The following B3GLCT variants were observed in gnomAD, a reference collection of about 807,000 sequenced individuals.
The protein encoded by B3GLCT is beta-1,3-glucosyltransferase.
A neutral mutation model predicts 63.4 loss-of-function variants in B3GLCT; 65 were observed. The ratio of observed to expected loss-of-function variants is 1.03; its 90% CI spans 0.84 to 1.26. The LOEUF (loss-of-function observed/expected upper bound fraction) is 1.26, where lower values mean the gene tolerates loss of function less well. B3GLCT is among the 50% of genes most tolerant of loss of function. The pLI, the probability that B3GLCT is intolerant of heterozygous loss-of-function variation, is 0.00. For synonymous variants in B3GLCT, 233 were observed against 219.2 expected (o/e 1.06, Z -0.55); for missense variants, 577 against 604.8 (o/e 0.95, Z 0.48).
intron 4 of B3GLCT, among the ~76,000 whole-genome samples, chr13:31,237,429 C>G (rs1462288620): frequency 6.7e-6 from 1 of 148,876 alleles, no homozygotes; most frequent in Non-Finnish European, 1.5e-5. Context: ...TCTCAGCTCA[C>G]TGCAACCTCT....
At chr13:31,295,077 T>C (rs1873865461) in intron 12 of B3GLCT, among the ~76,000 whole-genome samples, 1 of 152,158 alleles carries the variant, frequency 6.6e-6, no homozygotes, top group East Asian at 1.9e-4. Flanking sequence ...GCCTCTCTAC[T>C]GTAGGTCTGC....
intron 1 of B3GLCT, among the ~76,000 whole-genome samples, chr13:31,208,048 G>A (rs929545503): frequency 1.4e-4 from 22 of 151,898 alleles, no homozygotes; most frequent in African/African-American, 3.4e-4. Context: ...AAGTGGCAGC[G>A]CTCGGATTTG....
rs545114302 is a variant in B3GLCT at position 31,312,552 on chromosome 13, A to G, written c.1065-5014A>G. On this transcript the variant is annotated intron_variant, in intron 12 of 14. Coordinates refer to ENST00000343307, the MANE Select transcript of B3GLCT (RefSeq NM_194318.4). ...TGTGGAAACAAATTTAGTACAAGAAAGAGACCAAAGAAAGAGTAAACAAGA... is the reference window on the plus strand; with the variant it reads ...TGTGGAAACAAATTTAGTACAAGAAGGAGACCAAAGAAAGAGTAAACAAGA... The G allele has an allele frequency of 8.5e-5, 13 of 152,388 alleles. No individual in the cohort carries two copies. In the East Asian group the frequency reaches 2.5e-3, roughly 29 times the overall value. 9.4% of individuals were successfully genotyped at this position (152,388 alleles called of 1,614,324 possible).
rs182590545 is a variant in B3GLCT, at chr13:31,273,251, C to T, written c.661-1258C>T. Among the ~76,000 whole-genome samples, 145 of 152,194 alleles carry T rather than the reference C, an allele frequency of 9.5e-4. 1 individual carries two copies. Among genetic ancestry groups the T allele is most frequent in the Middle Eastern group, 3.4e-3 (1 of 294 alleles). On this transcript the variant is annotated intron_variant, in intron 8 of 14. Transcript: ENST00000343307. ...CTGGGACTACAGGCGCGTGCCACCACGACCAGCTAATTTTTGTATTTTTAA... is the reference window on the plus strand; with the variant it reads ...CTGGGACTACAGGCGCGTGCCACCATGACCAGCTAATTTTTGTATTTTTAA...
At chr13:31,238,573 TA>T (rs1870770852) in intron 4 of B3GLCT, among the ~76,000 whole-genome samples, 2 of 152,254 alleles carry the variant, frequency 1.3e-5, no homozygotes, top group Admixed American at 6.5e-5. Flanking sequence ...TTCTCGTTTT[TA>T]TAAAGTAGAT....
intron 1 of B3GLCT, among the ~76,000 whole-genome samples, chr13:31,203,622 A>T (rs1007088538): frequency 6.6e-6 from 1 of 152,224 alleles, no homozygotes; most frequent in South Asian, 2.1e-4. Flanking sequence ...TTAGGCATAA[A>T]GGTACTACTT....
chr13:31,264,408 C>G (rs1330295197), intron 7 of B3GLCT, among the ~76,000 whole-genome samples: 1 of 152,130 alleles, frequency 6.6e-6, no homozygotes, highest in Non-Finnish European at 1.5e-5. Context: ...CAGTGACCAA[C>G]AAACCGTAGA....
chr13:31,317,580 A>C lies in B3GLCT; in HGVS notation c.1079A>C (p.Gln360Pro). 6.2e-7 allele frequency: 1 copy of C among 1,614,052 alleles called. No homozygotes were observed. Among genetic ancestry groups the C allele is most frequent in the Non-Finnish European group, 8.5e-7 (1 of 1,179,950 alleles). Residue 360 changes from glutamine (Q) to proline (P), a missense_variant, in exon 13 of 15, where the codon CAG (glutamine) becomes CCG (proline). Transcript: ENST00000343307. ...DDTLISISRL[Q>P]HLLSCYDSGE... Reference sequence around the variant, plus strand: ...TGGCATCTCAGTATCTCCAGGCTCCAGCACTTGCTTAGCTGTTATGACTCC... The same window carrying C: ...TGGCATCTCAGTATCTCCAGGCTCCCGCACTTGCTTAGCTGTTATGACTCC...
chr13:31,227,819 G>A (rs552551910), intron 3 of B3GLCT, among the ~76,000 whole-genome samples: 5 of 152,222 alleles, frequency 3.3e-5, no homozygotes, highest in Non-Finnish European at 7.3e-5. Context: ...AGGTGTTAAA[G>A]AGAAAGATTC....
At chr13:31,224,210 T>C (rs1328390731) in intron 3 of B3GLCT, among the ~76,000 whole-genome samples, 1 of 152,164 alleles carries the variant, frequency 6.6e-6, no homozygotes, top group Admixed American at 6.5e-5. Context: ...TTTTTCTTTC[T>C]ATTATAACAC....
intron 1 of B3GLCT, among the ~76,000 whole-genome samples, chr13:31,208,112 T>C (rs1869056014): frequency 6.6e-6 from 1 of 152,120 alleles, no homozygotes; most frequent in Non-Finnish European, 1.5e-5. Flanking sequence ...CTGTACACAG[T>C]ACAAAGTACT....
chr13:31,322,413 T>C (rs1378907740), intron 13 of B3GLCT, among the ~76,000 whole-genome samples: 6 of 152,260 alleles, frequency 3.9e-5, no homozygotes. Context: ...TTGTATATTG[T>C]ATATTGAAGG....
At chr13:31,283,864 T>G (rs1367272666) in intron 10 of B3GLCT, among the ~76,000 whole-genome samples, 1 of 152,224 alleles carries the variant, frequency 6.6e-6, no homozygotes, top group Admixed American at 6.5e-5. Context: ...ATGTTTTTTC[T>G]ATTGAAAAAA....
intron 4 of B3GLCT, among the ~76,000 whole-genome samples, chr13:31,231,335 A>G (rs543678756): frequency 1.3e-5 from 2 of 152,308 alleles, no homozygotes; most frequent in East Asian, 3.9e-4. Flanking sequence ...TCCCTTACTC[A>G]TATGAATTAA....
At chr13:31,271,959 C>G (rs553369636) in intron 8 of B3GLCT, among the ~76,000 whole-genome samples, 1 of 152,242 alleles carries the variant, frequency 6.6e-6, no homozygotes, top group South Asian at 2.1e-4. Context: ...ATTTTGTTGA[C>G]ATGAATATTT....
chr13:31,247,845 T>A lies in B3GLCT; in HGVS notation c.348-10T>A. On this transcript the variant is annotated splice_polypyrimidine_tract_variant and intron_variant, in intron 5 of 14. Coordinates refer to ENST00000343307, the MANE Select transcript of B3GLCT (RefSeq NM_194318.4). Reference sequence around the variant, plus strand: ...AGAAGTGATTACTGAAACTTGTTTCTTTTGGTCAGTTTTTCTGTAACATAT... The same window carrying A: ...AGAAGTGATTACTGAAACTTGTTTCATTTGGTCAGTTTTTCTGTAACATAT... 1 of 1,434,050 alleles carries A rather than the reference T, an allele frequency of 7.0e-7. No individual in the cohort carries two copies. Among genetic ancestry groups the A allele is most frequent in the South Asian group, 1.1e-5 (1 of 86,984 alleles). 88.8% of individuals were successfully genotyped at this position (1,434,050 alleles called of 1,614,324 possible). A position where few individuals can be genotyped will look rare whatever the true frequency, so the allele number is the denominator to read the frequency against.
chr13:31,314,747 T>C (rs574500249), intron 12 of B3GLCT, among the ~76,000 whole-genome samples: 1 of 152,114 alleles, frequency 6.6e-6, no homozygotes. Context: ...TTTTGAAATG[T>C]GAGGACATGA....
intron 4 of B3GLCT, among the ~76,000 whole-genome samples, chr13:31,242,634 A>G (rs1170152518): frequency 2.0e-5 from 3 of 152,224 alleles, no homozygotes; most frequent in African/African-American, 7.2e-5. Context: ...CAGGATTCAA[A>G]GGAATTTGGC....
chr13:31,254,756 G>A (rs1185925555), intron 6 of B3GLCT, among the ~76,000 whole-genome samples: 6 of 152,142 alleles, frequency 3.9e-5, no homozygotes, highest in Admixed American at 3.9e-4. Context: ...TGTATATTTA[G>A]AAAACCCCAT....
Sources: allele counts gnomAD v4.1 joint callset (sites outside exome capture counted in the v4.1 genomes callset), GRCh38; gene constraint gnomAD v4.1.1; transcripts MANE v1.5; gene names NCBI Gene and HGNC (gene_info 2026-07-23, HGNC 2026-07-21).